Variants in CMYA5 observed in about 807,000 individuals in gnomAD.
The protein encoded by CMYA5 is cardiomyopathy associated 5.
A neutral mutation model predicts 318.9 loss-of-function variants in CMYA5; 246 were observed. The ratio of observed to expected loss-of-function variants is 0.77; its 90% confidence interval spans 0.70 to 0.86. The LOEUF (loss-of-function observed/expected upper bound fraction) is 0.86, where lower values mean the gene tolerates loss of function less well. CMYA5 is among the 40% of genes least tolerant of loss of function. CMYA5 has a pLI of 0.00. For synonymous variants in CMYA5, 1,641 were observed against 1,729.5 expected (o/e 0.95, Z 1.27); for missense variants, 4,589 against 4,678.2 (o/e 0.98, Z 0.56).
chr5:79,708,930 A>G (rs1392373152), intron 1 of CMYA5, among the ~76,000 whole-genome samples: 2 of 152,202 alleles, frequency 1.3e-5, no homozygotes, highest in Non-Finnish European at 2.9e-5. Flanking sequence ...TGACAGAGCA[A>G]GACCCTGTCT....
In CMYA5 at chr5:79,799,871, A is replaced by ACCGCAAACAC; in HGVS notation, c.*255_*256insCCGCAAACAC. 1 of 186,866 alleles carries ACCGCAAACAC rather than the reference A, an allele frequency of 5.4e-6. No individual in the cohort carries two copies. The highest frequency in any genetic ancestry group is 1.0e-5 in the Non-Finnish European group (1 of 96,370). The allele number at this position is 186,866 out of a possible 1,614,324, so 11.6% of individuals were successfully genotyped here. ...ATAAGTTTGAGTTCTTTCCTAAATTAAAAGATCTACACTTGAGTTGGGAAC... is the reference window on the plus strand; with the variant it reads ...ATAAGTTTGAGTTCTTTCCTAAATTACCGCAAACACAAAGATCTACACTTGAGTTGGGAAC... On this transcript the variant is annotated 3_prime_UTR_variant, in exon 13 of 13. Transcript: ENST00000446378.
chr5:79,738,727 A>G lies in CMYA5; in HGVS notation c.9962A>G (p.Lys3321Arg), dbSNP rs1043147891. The part of the protein sequence containing the change: ...VETVGNVAMQ[K>R]KAPITEDVRV... ...ACCGTTGGTAACGTAGCGATGCAGA[A>G]GAAAGCTCCCATCACAGAGGACGTC... The change falls in exon 2 of 13, where the codon AAG becomes AGG. Residue 3321 changes from lysine to arginine, a missense_variant. Coordinates refer to ENST00000446378, the MANE Select transcript of CMYA5 (RefSeq NM_153610.5). 18 of 1,613,876 alleles carry G rather than the reference A, an allele frequency of 1.1e-5. No individual in the cohort carries two copies. The highest frequency in any genetic ancestry group is 1.4e-5 in the Non-Finnish European group (17 of 1,179,882).
intron 9 of CMYA5, among the ~76,000 whole-genome samples, chr5:79,773,560 C>T (rs1324288101): frequency 6.6e-6 from 1 of 152,156 alleles, no homozygotes; most frequent in Non-Finnish European, 1.5e-5. Flanking sequence ...ATCCAGAGGT[C>T]CCTGAGGGAA....
chr5:79,757,685 A>G (rs1353862082), intron 6 of CMYA5, among the ~76,000 whole-genome samples: 1 of 152,232 alleles, frequency 6.6e-6, no homozygotes, highest in Non-Finnish European at 1.5e-5. Flanking sequence ...TAGAATCTAT[A>G]TTGATACAGA....
chr5:79,713,663 A>C (rs571804247), intron 1 of CMYA5, among the ~76,000 whole-genome samples: 1 of 150,914 alleles, frequency 6.6e-6, no homozygotes, highest in Non-Finnish European at 1.5e-5. Context: ...TTGATTGTGC[A>C]TGCTAAAGCC....
intron 9 of CMYA5, among the ~76,000 whole-genome samples, chr5:79,769,407 C>G (rs192844539): frequency 1.3e-5 from 2 of 152,138 alleles, no homozygotes; most frequent in Non-Finnish European, 2.9e-5. Flanking sequence ...AGCCTTTTTG[C>G]ACTGGTTTTT....
At chr5:79,760,228 C>T (rs1828625410) in intron 7 of CMYA5, among the ~76,000 whole-genome samples, 1 of 151,226 alleles carries the variant, frequency 6.6e-6, no homozygotes, top group Non-Finnish European at 1.5e-5. Flanking sequence ...CCACCCCAAA[C>T]ACTTCCCTAT....
chr5:79,708,969 G>GT (rs1211260023), intron 1 of CMYA5, among the ~76,000 whole-genome samples: 1 of 152,054 alleles, frequency 6.6e-6, no homozygotes, highest in African/African-American at 2.4e-5. Context: ...ATTTAATTTA[G>GT]TTTTTTAAAA....
At chr5:79,721,170 A>G (rs540548198) in intron 1 of CMYA5, among the ~76,000 whole-genome samples, 2 of 152,294 alleles carry the variant, frequency 1.3e-5, no homozygotes, top group South Asian at 2.1e-4. Flanking sequence ...TAACAAGCTA[A>G]TAGAAAAGGA....
In CMYA5 at chr5:79,730,987, C is replaced by T. The variant is rs551260526; in HGVS notation, c.2222C>T (p.Ser741Leu). Reference protein sequence around the residue: ...IPSEEKEDTGSFTPAVAPASE... With the variant: ...IPSEEKEDTGLFTPAVAPASE... Reference sequence around the variant, plus strand: ...TCAGAAGAGAAGGAAGACACTGGATCGTTTACTCCAGCTGTGGCCCCTGCT... The same window carrying T: ...TCAGAAGAGAAGGAAGACACTGGATTGTTTACTCCAGCTGTGGCCCCTGCT... Residue 741 changes from serine to leucine, a missense_variant, in exon 2 of 13, where the codon TCG (serine) becomes TTG (leucine). Ser to Leu is a moderately radical substitution (Grantham distance 145). Coordinates refer to ENST00000446378, the MANE Select transcript of CMYA5 (RefSeq NM_153610.5). 4.3e-5 allele frequency: 70 copies of T among 1,613,862 alleles called. No individual in the cohort carries two copies. Among genetic ancestry groups the T allele is most frequent in the Non-Finnish European group, 5.5e-5 (65 of 1,179,906 alleles).
chr5:79,723,716 C>T (rs935295926), intron 1 of CMYA5, among the ~76,000 whole-genome samples: 32 of 141,582 alleles, frequency 2.3e-4, no homozygotes, highest in African/African-American at 8.3e-4. Context: ...GAGCTATGAT[C>T]GTGCCACTGC....
Position 79,734,813 on chromosome 5 carries a change from T to C in CMYA5, c.6048T>C (p.Ser2016=). 1 of 1,613,608 alleles carries C rather than the reference T, an allele frequency of 6.2e-7. No homozygotes were observed. Among genetic ancestry groups the C allele is most frequent in the Non-Finnish European group, 8.5e-7 (1 of 1,179,756 alleles). The change falls in exon 2 of 13, where the codon AGT becomes AGC. Residue 2016 remains serine, a synonymous_variant. Transcript: ENST00000446378. ...AGGAGATTCATTCTTTGATGGAGAG[T>C]GAAAGTTTGCTATTGGAGAAAGCAA... ...EGKEIHSLME[S]ESLLLEKANT...
intron 9 of CMYA5, among the ~76,000 whole-genome samples, chr5:79,765,803 T>G (rs1828739736): frequency 6.6e-6 from 1 of 152,204 alleles, no homozygotes. Flanking sequence ...CTATTATGGT[T>G]GTACAGGAAT....
At chr5:79,773,380 A>T (rs1487549763) in intron 9 of CMYA5, among the ~76,000 whole-genome samples, 1 of 152,246 alleles carries the variant, frequency 6.6e-6, no homozygotes, top group African/African-American at 2.4e-5. Context: ...TAGTGCTTGG[A>T]TATTTAACCA....
In CMYA5 at chr5:79,742,755, A is replaced by G. The variant is rs939791608; in HGVS notation, c.10639-1072A>G. On this transcript the variant is annotated intron_variant, in intron 2 of 12. Transcript: ENST00000446378. ...GTGTCAGGAACTGTGCCAATCATTG[A>G]GAGTGAAAAAAAAAAAAGGAAGATG... Among the ~76,000 whole-genome samples the G allele has an allele frequency of 2.9e-4, 39 of 132,380 alleles. 1 individual carries two copies. The highest frequency in any genetic ancestry group is 1.0e-3 in the African/African-American group (37 of 36,368). The allele number at this position is 132,380 out of a possible 152,430, so 86.8% of individuals were successfully genotyped here.
At chr5:79,700,266 ACAG>A (rs1291356719) in intron 1 of CMYA5, among the ~76,000 whole-genome samples, 1 of 152,182 alleles carries the variant, frequency 6.6e-6, no homozygotes, top group Non-Finnish European at 1.5e-5. Flanking sequence ...CTGCCACCAA[ACAG>A]GTTTCAGTTT....
intron 5 of CMYA5, among the ~76,000 whole-genome samples, chr5:79,748,992 C>T (rs985538803): frequency 4.6e-5 from 7 of 152,042 alleles, no homozygotes; most frequent in African/African-American, 1.7e-4. Flanking sequence ...TTGAAAAATG[C>T]AATAGAATGT....
At chr5:79,699,784 G>C (rs1479276653) in intron 1 of CMYA5, among the ~76,000 whole-genome samples, 1 of 152,240 alleles carries the variant, frequency 6.6e-6, no homozygotes, top group Non-Finnish European at 1.5e-5. Context: ...AGGAGAAGTT[G>C]AGCATGGACA....
chr5:79,792,048 G>A (rs1829190276), intron 11 of CMYA5, among the ~76,000 whole-genome samples: 1 of 152,258 alleles, frequency 6.6e-6, no homozygotes, highest in Admixed American at 6.5e-5. Flanking sequence ...CCAGCCAGCA[G>A]TGACTTTCAC....
Sources: allele counts gnomAD v4.1 joint callset (sites outside exome capture counted in the v4.1 genomes callset), GRCh38; gene constraint gnomAD v4.1.1; transcripts MANE v1.5; gene names NCBI Gene and HGNC (gene_info 2026-07-23, HGNC 2026-07-21).